The following CFAP47 variants were observed in gnomAD, a reference collection of about 807,000 sequenced individuals.
The protein encoded by CFAP47 is cilia- and flagella-associated protein 47.
Under a neutral mutation model 148.1 loss-of-function variants are expected in CFAP47, and 29 were observed. The observed-to-expected ratio is 0.20, with a 90% CI of 0.15 to 0.27. CFAP47 has a LOEUF of 0.27. Ranked by LOEUF, CFAP47 falls within the 10% of genes least tolerant of loss-of-function variation. The pLI, the probability that CFAP47 is intolerant of heterozygous loss-of-function variation, is 1.00. For synonymous variants in CFAP47, 664 were observed against 577.3 expected, an observed-to-expected ratio of 1.15 and a Z score of -2.15; for missense variants, 1,872 against 1,697.5, an observed-to-expected ratio of 1.10 and a Z score of -1.81.
intron 26 of CFAP47, among the ~76,000 whole-genome samples, chrX:36,059,848 G>T (rs974594127): frequency 9.0e-6 from 1 of 111,588 alleles, no homozygotes; most frequent in African/African-American, 3.3e-5. Context: ...TCATGGAGTG[G>T]TTTCCTCATG....
chrX:36,034,057 T>G (rs1042299523), intron 23 of CFAP47, among the ~76,000 whole-genome samples: 1 of 111,426 alleles, frequency 9.0e-6, no homozygotes, highest in Non-Finnish European at 1.9e-5. Flanking sequence ...AATCAATGGT[T>G]TTTCACTAAT....
chrX:36,004,255 G>A (rs775146384), intron 21 of CFAP47, among the ~76,000 whole-genome samples: 3 of 110,686 alleles, frequency 2.7e-5, no homozygotes, highest in Non-Finnish European at 5.7e-5. Context: ...GGGATTACAG[G>A]CGTGAGCCAC....
intron 19 of CFAP47, among the ~76,000 whole-genome samples, chrX:35,998,902 G>A (rs1002706869): frequency 1.4e-4 from 15 of 110,414 alleles, no homozygotes; most frequent in African/African-American, 5.0e-4. Context: ...TGCATGTTAT[G>A]GTACAACTGA....
At chrX:36,349,943 T>C in intron 58 of CFAP47, 95 bp from the exon 59 acceptor site, 1 of 495,309 alleles carries the variant, frequency 2.0e-6, no homozygotes, top group Non-Finnish European at 3.2e-6. Flanking sequence ...ATTTACAAGC[T>C]TTACTAAAAT....
rs1421262558 is a variant in CFAP47, at chrX:36,280,475, T to G, written c.7445-12T>G. The stretch of plus-strand genomic sequence containing the variant: ...CCTGATTAATAGGGCATCTTGTACT[T>G]ATGTGTTGTAGGTACAATTACATTT... On this transcript the variant is annotated splice_polypyrimidine_tract_variant and intron_variant, in intron 49 of 63. Transcript: ENST00000378653. The G allele has an allele frequency of 2.0e-6, 1 of 490,111 alleles. No individual in the cohort carries two copies. 40.4% of individuals were successfully genotyped at this position (490,111 alleles called of 1,213,427 possible).
At chrX:36,063,728 T>C (rs780586726) in intron 26 of CFAP47, among the ~76,000 whole-genome samples, 2 of 111,967 alleles carry the variant, frequency 1.8e-5, no homozygotes, top group Non-Finnish European at 3.8e-5. Context: ...CACTTTTAGA[T>C]GATGATGCAT....
Position 36,228,763 on chromosome X carries a change from C to G in CFAP47, c.6953C>G (p.Pro2318Arg). 1 of 524,776 alleles carries G rather than the reference C, an allele frequency of 1.9e-6. No homozygotes were observed. Among genetic ancestry groups the G allele is most frequent in the Non-Finnish European group, 3.5e-6 (1 of 286,280 alleles). 43.2% of individuals were successfully genotyped at this position (524,776 alleles called of 1,213,427 possible). The change falls in exon 46 of 64, where the codon CCA becomes CGA. Residue 2318 changes from proline to arginine, a missense_variant. Coordinates refer to ENST00000378653, the MANE Select transcript of CFAP47 (RefSeq NM_001304548.2). ...YVEGIVNEEQ[P>R]EAKFEFETPA... ...GAAGGTATTGTGAATGAAGAACAACCAGAGGCCAAATTTGAGTTTGAAACA... is the reference window on the plus strand; with the variant it reads ...GAAGGTATTGTGAATGAAGAACAACGAGAGGCCAAATTTGAGTTTGAAACA...
intron 60 of CFAP47, among the ~76,000 whole-genome samples, chrX:36,354,981 T>C (rs1329697446): frequency 2.7e-5 from 3 of 111,292 alleles, no homozygotes; most frequent in Non-Finnish European, 5.7e-5. Flanking sequence ...GCAACCCATA[T>C]ATCTGATAAG....
At position 35,924,134 on chromosome X, in the gene CFAP47, T is replaced by C. The variant is rs142565821; in HGVS notation, c.250-1883T>C. Among the ~76,000 whole-genome samples the C allele has an allele frequency of 5.2e-3, 518 of 99,084 alleles. 34 individuals are homozygous for C. Among genetic ancestry groups the C allele is most frequent in the African/African-American group, 0.019 (465 of 24,200 alleles). The allele number at this position is 99,084 out of a possible 115,157, so 86.0% of individuals were successfully genotyped here. A position where few individuals can be genotyped will look rare whatever the true frequency, so the allele number is the denominator to read the frequency against. ...GTACATGTATGCGTACATATATGTA[T>C]ATGTGTACATGTATGCGTACATATA... On this transcript the variant is annotated intron_variant, in intron 1 of 63. Coordinates refer to ENST00000378653, the MANE Select transcript of CFAP47 (RefSeq NM_001304548.2).
At position 36,027,138 on chromosome X, in the gene CFAP47, A is replaced by G. The variant is rs146506983; in HGVS notation, c.3557-4115A>G. On this transcript the variant is annotated intron_variant, in intron 22 of 63. Transcript: ENST00000378653. The stretch of plus-strand genomic sequence containing the variant: ...ATTATATATATATGATTATATATAT[A>G]TGATTATATATATGATTATATATAT... Among the ~76,000 whole-genome samples the G allele has an allele frequency of 5.5e-3, 563 of 102,120 alleles. 7 individuals carry two copies. The highest frequency in any genetic ancestry group is 0.019 in the African/African-American group (530 of 28,018). The allele number at this position is 102,120 out of a possible 115,157, so 88.7% of individuals were successfully genotyped here. A position where few individuals can be genotyped will look rare whatever the true frequency, so the allele number is the denominator to read the frequency against.
chrX:35,976,152 A>T (rs1015573791), intron 15 of CFAP47, among the ~76,000 whole-genome samples: 1 of 110,580 alleles, frequency 9.0e-6, no homozygotes, highest in Non-Finnish European at 1.9e-5. Flanking sequence ...AGAGAGAGAG[A>T]GATAAAGAGA....
At chrX:36,215,773 G>A (rs1323884223) in intron 45 of CFAP47, among the ~76,000 whole-genome samples, 3 of 111,497 alleles carry the variant, frequency 2.7e-5, no homozygotes, top group Admixed American at 9.6e-5. Flanking sequence ...GCTTACCTTA[G>A]AGCATTAGGT....
At chrX:36,044,195 G>A (rs1353020179) in intron 25 of CFAP47, among the ~76,000 whole-genome samples, 2 of 113,285 alleles carry the variant, frequency 1.8e-5, no homozygotes, top group East Asian at 5.6e-4. Flanking sequence ...TAGGCCTCTG[G>A]CCCTGTGATG....
chrX:35,993,408 A>G lies in CFAP47; in HGVS notation c.3099+87A>G, dbSNP rs1936810368. 1.8e-5 allele frequency: 5 copies of G among 276,950 alleles called. No homozygotes were observed. In the East Asian group the frequency reaches 2.6e-4, roughly 14 times the overall value. 22.8% of individuals were successfully genotyped at this position (276,950 alleles called of 1,213,427 possible). On this transcript the variant is annotated intron_variant, in intron 18 of 63. Transcript: ENST00000378653. ...TAACTTATCTATAATGGTAGGTATA[A>G]TGCTACAAAATGGAGTACACATGTT...
At chrX:36,184,399 A>T (rs1274612287) in intron 40 of CFAP47, among the ~76,000 whole-genome samples, 1 of 111,156 alleles carries the variant, frequency 9.0e-6, no homozygotes, top group Non-Finnish European at 1.9e-5. Flanking sequence ...TACAAACTGC[A>T]GGGCCAATAT....
chrX:36,318,930 TC>T (rs1452164354), intron 56 of CFAP47, among the ~76,000 whole-genome samples: 1 of 111,410 alleles, frequency 9.0e-6, no homozygotes, highest in African/African-American at 3.3e-5. Context: ...TGCCTCAGAC[TC>T]CCCAGTAGCT....
chrX:36,376,746 G>A (rs1195830140), intron 62 of CFAP47, among the ~76,000 whole-genome samples: 2 of 108,555 alleles, frequency 1.8e-5, no homozygotes, highest in African/African-American at 3.4e-5. Context: ...TTAACATTAG[G>A]TATATCTCCT....
intron 30 of CFAP47, among the ~76,000 whole-genome samples, chrX:36,091,535 T>C (rs1360472243): frequency 9.0e-6 from 1 of 111,629 alleles, no homozygotes; most frequent in Non-Finnish European, 1.9e-5. Context: ...CTTATTTAAA[T>C]CTATACCAAT....
chrX:35,951,922 A>G lies in CFAP47; in HGVS notation c.1005A>G (p.Gln335=). The change falls in exon 6 of 64, where the codon CAA becomes CAG. Residue 335 remains glutamine (Q), a synonymous_variant. Transcript: ENST00000378653. Reference sequence around the variant, plus strand: ...GTCTTCCTAATGAAGGGACTTTACAACCTTATCAAAAGACTGTAATTACAT... The same window carrying G: ...GTCTTCCTAATGAAGGGACTTTACAGCCTTATCAAAAGACTGTAATTACAT... ...ISCLPNEGTL[Q]PYQKTVITFC... 3 of 1,173,087 alleles carry G rather than the reference A, an allele frequency of 2.6e-6. No homozygotes were observed. The highest frequency in any genetic ancestry group is 3.4e-6 in the Non-Finnish European group (3 of 884,451).
Sources: gnomAD v4.1 joint callset for allele counts (sites outside exome capture counted in the v4.1 genomes callset) on GRCh38, gnomAD v4.1.1 for gene constraint, MANE v1.5 for transcripts, NCBI Gene and HGNC (gene_info 2026-07-23, HGNC 2026-07-21) for gene names.